Variants in CADM2 observed in about 807,000 individuals in gnomAD.
CADM2 encodes immunoglobulin superfamily member 4D.
Under a neutral mutation model 49.8 loss-of-function variants are expected in CADM2, and 12 were observed. That is an observed-to-expected ratio of 0.24 (90% CI 0.15 to 0.39). CADM2 has a LOEUF of 0.39. Among genes scored for constraint, CADM2 ranks in the 10% least tolerant of loss-of-function variants. CADM2 has a pLI of 1.00. For synonymous variants in CADM2, 214 were observed against 175.4 expected (o/e 1.22, Z -1.74); for missense variants, 378 against 492.3 (o/e 0.77, Z 2.20).
At chr3:85,137,049 G>T (rs562912483) in intron 1 of CADM2, among the ~76,000 whole-genome samples, 20 of 151,742 alleles carry the variant, frequency 1.3e-4, no homozygotes, top group African/African-American at 4.8e-4. Flanking sequence ...ATTATATTGG[G>T]GTATCATAAT....
chr3:85,851,269 T>C (rs1175022946), intron 3 of CADM2, among the ~76,000 whole-genome samples: 1 of 152,158 alleles, frequency 6.6e-6, no homozygotes, highest in South Asian at 2.1e-4. Context: ...TTTCTCATGA[T>C]TAATTGAAAT....
intron 1 of CADM2, among the ~76,000 whole-genome samples, chr3:85,338,971 A>G (rs1361511067): frequency 3.3e-5 from 5 of 151,520 alleles, no homozygotes; most frequent in Non-Finnish European, 7.4e-5. Context: ...ACTTAATAAA[A>G]CTAGATTGAG....
intron 8 of CADM2, among the ~76,000 whole-genome samples, chr3:86,021,360 A>T (rs1733146484): frequency 6.6e-6 from 1 of 152,018 alleles, no homozygotes; most frequent in Non-Finnish European, 1.5e-5. Flanking sequence ...AATGCCATTT[A>T]ATTATGTTGC....
At chr3:85,199,368 T>TGAGAGAGAGAGAGAGAG (rs1553694522) in intron 1 of CADM2, among the ~76,000 whole-genome samples, 25 of 115,224 alleles carry the variant, frequency 2.2e-4, no homozygotes, top group African/African-American at 1.3e-3. Context: ...TGTGTGTGTG[T>TGAGAGAGAGAGAGAGAG]ATGAGAGAGA....
intron 1 of CADM2, among the ~76,000 whole-genome samples, chr3:85,419,546 T>C (rs1213453099): frequency 6.6e-6 from 1 of 152,206 alleles, no homozygotes; most frequent in Non-Finnish European, 1.5e-5. Context: ...AAACCATGTT[T>C]GAGAGACCAT....
chr3:85,212,862 C>A (rs1275259137), intron 1 of CADM2, among the ~76,000 whole-genome samples: 5 of 125,568 alleles, frequency 4.0e-5, no homozygotes, highest in African/African-American at 1.7e-4. Context: ...TTCTTTCTTT[C>A]TTTCTTTCTT....
intron 1 of CADM2, among the ~76,000 whole-genome samples, chr3:85,670,340 T>C (rs1398051924): frequency 6.6e-6 from 1 of 152,186 alleles, no homozygotes; most frequent in Non-Finnish European, 1.5e-5. Flanking sequence ...TGTTTTATTC[T>C]ATCAACTAGT....
chr3:85,240,622 G>A (rs1050540618), intron 1 of CADM2, among the ~76,000 whole-genome samples: 18 of 151,308 alleles, frequency 1.2e-4, no homozygotes, highest in African/African-American at 4.4e-4. Context: ...AAGGTATCAC[G>A]TTATTTCCTC....
intron 1 of CADM2, among the ~76,000 whole-genome samples, chr3:85,025,151 G>C (rs2034671181): frequency 6.6e-6 from 1 of 152,036 alleles, no homozygotes; most frequent in Admixed American, 6.6e-5. Flanking sequence ...GAAATTCAGT[G>C]ATCTGTAAAA....
chr3:85,769,336 CGTATAT>C (rs2069886177), intron 2 of CADM2, among the ~76,000 whole-genome samples: 4 of 112,142 alleles, frequency 3.6e-5, no homozygotes, highest in African/African-American at 8.5e-5. Context: ...TATATATACA[CGTATAT>C]ACATATATAC....
At chr3:85,599,100 T>A (rs571626261) in intron 1 of CADM2, among the ~76,000 whole-genome samples, 5 of 152,012 alleles carry the variant, frequency 3.3e-5, no homozygotes, top group African/African-American at 1.2e-4. Flanking sequence ...CATGAAGAAA[T>A]TGACCTTTCT....
chr3:85,620,094 C>A (rs12486576), intron 1 of CADM2, among the ~76,000 whole-genome samples: 1 of 151,994 alleles, frequency 6.6e-6, no homozygotes, highest in Admixed American at 6.6e-5. Context: ...TGATTCATGC[C>A]CAATAGCCCA....
intron 1 of CADM2, among the ~76,000 whole-genome samples, chr3:85,048,588 A>G (rs530140664): frequency 1.3e-5 from 2 of 152,162 alleles, no homozygotes; most frequent in Non-Finnish European, 2.9e-5. Context: ...TTAAATTAGG[A>G]CAATTTCAAC....
At chr3:85,571,864 A>G (rs1259040641) in intron 1 of CADM2, among the ~76,000 whole-genome samples, 2 of 152,240 alleles carry the variant, frequency 1.3e-5, no homozygotes, top group Non-Finnish European at 2.9e-5. Context: ...ATAGTCATGA[A>G]TGAAATGATC....
intron 1 of CADM2, among the ~76,000 whole-genome samples, chr3:85,297,799 A>G (rs1236441673): frequency 6.6e-6 from 1 of 152,046 alleles, no homozygotes; most frequent in Non-Finnish European, 1.5e-5. Flanking sequence ...ATTTATTTGC[A>G]TAATTTTGAA....
intron 3 of CADM2, among the ~76,000 whole-genome samples, chr3:85,855,604 T>C (rs1295300795): frequency 2.5e-5 from 1 of 39,234 alleles, no homozygotes; most frequent in African/African-American, 9.5e-5. Context: ...ATATAAAACA[T>C]ATATATATAT....
chr3:85,655,581 C>T (rs755307325), intron 1 of CADM2, among the ~76,000 whole-genome samples: 3 of 151,860 alleles, frequency 2.0e-5, no homozygotes, highest in South Asian at 2.1e-4. Flanking sequence ...TTTGCACAAA[C>T]GATTTGTTAA....
At chr3:85,556,482 A>G (rs1167135612) in intron 1 of CADM2, among the ~76,000 whole-genome samples, 1 of 152,172 alleles carries the variant, frequency 6.6e-6, no homozygotes, top group African/African-American at 2.4e-5. Flanking sequence ...TCAAATGTTC[A>G]TAGTTTACCT....
At position 86,072,162 on chromosome 3, in the gene CADM2, A is replaced by T. The variant is rs1375237699; in HGVS notation, c.*5379A>T. ...ATGACAGATTCTTCTGTAGGAAAAA[A>T]TAAAAACATGAATATCTCAAATTAT... is the stretch of plus-strand genomic sequence containing the variant. On this transcript the variant is annotated 3_prime_UTR_variant, in exon 10 of 10. Coordinates refer to ENST00000383699, the MANE Select transcript of CADM2 (RefSeq NM_001167675.2). The T allele has an allele frequency of 6.6e-6, 1 of 151,898 alleles. No homozygotes were observed. The highest frequency in any genetic ancestry group is 6.6e-5 in the Admixed American group (1 of 15,200). 9.4% of individuals were successfully genotyped at this position (151,898 alleles called of 1,614,324 possible). A position where few individuals can be genotyped will look rare whatever the true frequency, so the allele number is the denominator to read the frequency against.
Sources: gnomAD v4.1 joint callset for allele counts (sites outside exome capture counted in the v4.1 genomes callset) on GRCh38, gnomAD v4.1.1 for gene constraint, MANE v1.5 for transcripts, NCBI Gene and HGNC (gene_info 2026-07-23, HGNC 2026-07-21) for gene names.